The following HPSE2 variants were observed in gnomAD, a reference collection of about 807,000 sequenced individuals.
HPSE2 encodes the protein heparanase 2 (inactive).
A neutral mutation model predicts 60.5 loss-of-function variants in HPSE2; 38 were observed. The observed-to-expected ratio is 0.63, with a 90% CI of 0.48 to 0.82. HPSE2 has a LOEUF of 0.82. Ranked by LOEUF, HPSE2 falls within the 40% of genes least tolerant of loss-of-function variation. HPSE2 has a pLI of 0.00. For synonymous variants in HPSE2, 295 were observed against 293.2 expected, an observed-to-expected ratio of 1.01 and a Z score of -0.06; for missense variants, 713 against 740.4, an observed-to-expected ratio of 0.96 and a Z score of 0.43.
chr10:98,544,838 A>T (rs1246472172), intron 9 of HPSE2, among the ~76,000 whole-genome samples: 2 of 152,022 alleles, frequency 1.3e-5, no homozygotes, highest in South Asian at 4.1e-4. Context: ...GACACAAAAA[A>T]CCCTCAAAAA....
At chr10:98,781,789 T>C (rs1950476270) in intron 3 of HPSE2, among the ~76,000 whole-genome samples, 1 of 151,912 alleles carries the variant, frequency 6.6e-6, no homozygotes, top group Non-Finnish European at 1.5e-5. Flanking sequence ...GCAATGTATA[T>C]CCAAATCTTG....
intron 3 of HPSE2, among the ~76,000 whole-genome samples, chr10:99,119,248 G>T (rs1330298798): frequency 1.1e-4 from 17 of 152,018 alleles, no homozygotes; most frequent in Admixed American, 1.1e-3. Context: ...CTTCAGCAAA[G>T]TCTCAAGATA....
intron 9 of HPSE2, among the ~76,000 whole-genome samples, chr10:98,523,434 T>C (rs1297114323): frequency 6.6e-6 from 1 of 152,192 alleles, no homozygotes; most frequent in Non-Finnish European, 1.5e-5. Context: ...CAGTATGAAA[T>C]AGAATATAGA....
intron 5 of HPSE2, among the ~76,000 whole-genome samples, chr10:98,698,821 C>T (rs1308326155): frequency 6.6e-6 from 1 of 152,178 alleles, no homozygotes. Flanking sequence ...CACCACCAAT[C>T]CCACAGAAAT....
At chr10:99,150,613 A>T (rs1340179697) in intron 2 of HPSE2, among the ~76,000 whole-genome samples, 1 of 152,174 alleles carries the variant, frequency 6.6e-6, no homozygotes, top group Non-Finnish European at 1.5e-5. Context: ...GAGCCACCAA[A>T]TCTGGCCTAG....
intron 3 of HPSE2, among the ~76,000 whole-genome samples, chr10:98,983,571 G>C (rs979536400): frequency 9.2e-5 from 14 of 152,204 alleles, no homozygotes; most frequent in Non-Finnish European, 1.9e-4. Context: ...TTCTAGCACA[G>C]ACAAAGTCAA....
At chr10:98,523,072 G>C (rs1026805515) in intron 9 of HPSE2, among the ~76,000 whole-genome samples, 2 of 152,132 alleles carry the variant, frequency 1.3e-5, no homozygotes, top group African/African-American at 4.8e-5. Context: ...TCTCTCAGTT[G>C]GGCACAGCAC....
At chr10:98,647,476 G>A (rs987364038) in intron 6 of HPSE2, among the ~76,000 whole-genome samples, 2 of 152,194 alleles carry the variant, frequency 1.3e-5, no homozygotes, top group South Asian at 4.1e-4. Flanking sequence ...TAGTTTCAAG[G>A]AGGAGGGGCA....
intron 9 of HPSE2, among the ~76,000 whole-genome samples, chr10:98,576,386 A>T (rs1034678498): frequency 6.6e-6 from 1 of 152,168 alleles, no homozygotes; most frequent in Non-Finnish European, 1.5e-5. Context: ...ATACAGTTTA[A>T]TATCTTTTTT....
chr10:98,545,208 C>T (rs1039086486), intron 9 of HPSE2, among the ~76,000 whole-genome samples: 6 of 151,672 alleles, frequency 4.0e-5, no homozygotes, highest in Middle Eastern at 6.3e-3. Flanking sequence ...GATTCACAGC[C>T]AAATTCTACC....
chr10:99,107,768 A>G lies in HPSE2; in HGVS notation c.610+36470T>C, dbSNP rs149777352. On this transcript the variant is annotated intron_variant, in intron 3 of 11. Coordinates refer to ENST00000370552, the MANE Select transcript of HPSE2 (RefSeq NM_021828.5). ...ATTGGAAATTTTATGGAAGTTTCTG[A>G]ACTTCTAGATGAACATTCAACAAGT... Among the ~76,000 whole-genome samples the G allele has an allele frequency of 1.7e-3, 263 of 152,324 alleles. 2 individuals carry two copies. Among genetic ancestry groups the G allele is most frequent in the African/African-American group, 6.1e-3 (255 of 41,586 alleles).
intron 3 of HPSE2, among the ~76,000 whole-genome samples, chr10:98,927,122 T>G (rs10786486): frequency 6.6e-6 from 1 of 151,824 alleles, no homozygotes; most frequent in South Asian, 2.1e-4. Context: ...CTATTAGGTC[T>G]GCTTGGTGCA....
chr10:99,239,940 G>A (rs1849914879), upstream of HPSE2, among the ~76,000 whole-genome samples: 1 of 152,038 alleles, frequency 6.6e-6, no homozygotes, highest in African/African-American at 2.4e-5. Context: ...TGTAATTCCA[G>A]CACTTTGAGA....
chr10:98,587,329 G>A (rs759211979), intron 9 of HPSE2, among the ~76,000 whole-genome samples: 1 of 152,156 alleles, frequency 6.6e-6, no homozygotes, highest in Non-Finnish European at 1.5e-5. Flanking sequence ...AAAGCTCTGT[G>A]AGTCATATCA....
At chr10:98,792,954 C>G (rs1228595583) in intron 3 of HPSE2, among the ~76,000 whole-genome samples, 1 of 152,140 alleles carries the variant, frequency 6.6e-6, no homozygotes, top group African/African-American at 2.4e-5. Flanking sequence ...TAGCTCATCT[C>G]CAGCATGTCT....
chr10:99,183,774 G>C (rs931095019), intron 2 of HPSE2, among the ~76,000 whole-genome samples: 19 of 152,176 alleles, frequency 1.2e-4, no homozygotes, highest in African/African-American at 4.3e-4. Context: ...CCACCAGGAA[G>C]AAGTAAGTGA....
intron 3 of HPSE2, among the ~76,000 whole-genome samples, chr10:99,110,368 C>T (rs1218868493): frequency 6.6e-6 from 1 of 152,102 alleles, no homozygotes; most frequent in Non-Finnish European, 1.5e-5. Context: ...AAAAGCTCCA[C>T]CCTTGAAAGG....
In HPSE2 at chr10:98,500,943, C is replaced by T. The variant is rs541239058; in HGVS notation, c.1321-10747G>A. ...ACCTTTATGCACATAAACTAGAAAA[C>T]CTAGAAGAGGTGGATAAATTCCTGG... On this transcript the variant is annotated intron_variant, in intron 9 of 11. Transcript: ENST00000370552. Among the ~76,000 whole-genome samples the T allele has an allele frequency of 3.3e-3, 505 of 152,020 alleles. 3 individuals carry two copies. The highest frequency in any genetic ancestry group is 0.012 in the African/African-American group (485 of 41,466).
At chr10:98,734,815 T>C (rs529142130) in intron 4 of HPSE2, among the ~76,000 whole-genome samples, 2 of 152,136 alleles carry the variant, frequency 1.3e-5, no homozygotes, top group Admixed American at 1.3e-4. Flanking sequence ...ACTTTATTTT[T>C]ATTTTTAGAG....
Sources: allele counts gnomAD v4.1 joint callset (sites outside exome capture counted in the v4.1 genomes callset), GRCh38; gene constraint gnomAD v4.1.1; transcripts MANE v1.5; gene names NCBI Gene and HGNC (gene_info 2026-07-23, HGNC 2026-07-21).